Variants in HECW1 observed in about 807,000 individuals in gnomAD.
HECW1 encodes HECT, C2 and WW domain containing E3 ubiquitin protein ligase 1.
Under a neutral mutation model 182.3 loss-of-function variants are expected in HECW1, and 61 were observed. The observed-to-expected ratio is 0.33, with a 90% CI of 0.27 to 0.41. HECW1 has a LOEUF of 0.41. Among genes scored for constraint, HECW1 ranks in the 10% least tolerant of loss-of-function variants. The pLI is 1.00. For missense variants in HECW1, 1,739 were observed against 2,108.9 expected (o/e 0.82, Z 3.44); for synonymous variants, 859 against 832.6 (o/e 1.03, Z -0.55).
At chr7:43,490,774 T>C (rs978810535) in intron 17 of HECW1, among the ~76,000 whole-genome samples, 1 of 152,188 alleles carries the variant, frequency 6.6e-6, no homozygotes, top group Non-Finnish European at 1.5e-5. Context: ...TGTTTTGTTT[T>C]TGAGATAGAG....
intron 3 of HECW1, among the ~76,000 whole-genome samples, chr7:43,308,318 T>A (rs867080466): frequency 7.9e-6 from 1 of 127,348 alleles, no homozygotes; most frequent in Non-Finnish European, 1.6e-5. Flanking sequence ...ATTTATATAT[T>A]ATATGATATA....
intron 3 of HECW1, among the ~76,000 whole-genome samples, chr7:43,280,041 A>T (rs1361795516): frequency 1.3e-5 from 2 of 152,126 alleles, no homozygotes; most frequent in Admixed American, 1.3e-4. Flanking sequence ...TCAGAATGGG[A>T]TTGGGGTGGT....
chr7:43,265,957 G>T (rs536327035), intron 3 of HECW1, among the ~76,000 whole-genome samples: 1 of 152,128 alleles, frequency 6.6e-6, no homozygotes, highest in Non-Finnish European at 1.5e-5. Flanking sequence ...TTGAGGGGGG[G>T]TGTGGATTCT....
At chr7:43,116,519 C>T (rs560648233) in intron 2 of HECW1, among the ~76,000 whole-genome samples, 1 of 152,284 alleles carries the variant, frequency 6.6e-6, no homozygotes, top group South Asian at 2.1e-4. Flanking sequence ...ACAGTTAGAC[C>T]AGAGACAACC....
intron 5 of HECW1, among the ~76,000 whole-genome samples, chr7:43,323,252 A>G (rs971646593): frequency 2.0e-5 from 3 of 152,200 alleles, no homozygotes; most frequent in African/African-American, 7.2e-5. Flanking sequence ...TAACCACTTC[A>G]TATAATTGTC....
intron 2 of HECW1, among the ~76,000 whole-genome samples, chr7:43,218,928 CAG>C (rs1024203801): frequency 6.6e-6 from 1 of 152,106 alleles, no homozygotes; most frequent in African/African-American, 2.4e-5. Flanking sequence ...TGTACAGAGA[CAG>C]AGAGAGCAGT....
chr7:43,190,438 G>A (rs1262167079), intron 2 of HECW1, among the ~76,000 whole-genome samples: 2 of 152,148 alleles, frequency 1.3e-5, no homozygotes, highest in Non-Finnish European at 2.9e-5. Context: ...GTCACAGTAG[G>A]GAAGGGGAGG....
chr7:43,484,343 A>G (rs983130190), intron 17 of HECW1: 3 of 152,264 alleles, frequency 2.0e-5, no homozygotes, highest in Non-Finnish European at 2.9e-5. Context: ...AATGTGTGTG[A>G]AAATAGCAGG....
intron 7 of HECW1, 72 bp downstream of exon 7, chr7:43,396,961 A>G: frequency 9.4e-7 from 1 of 1,069,290 alleles, no homozygotes; most frequent in Non-Finnish European, 1.5e-6. Context: ...ACTCACTTCC[A>G]TTTCACTCTT....
chr7:43,297,921 T>A (rs1366382943), intron 3 of HECW1, among the ~76,000 whole-genome samples: 6 of 152,108 alleles, frequency 3.9e-5, no homozygotes, highest in Admixed American at 3.9e-4. Context: ...AACATTTTTT[T>A]AAATTAGCCA....
At chr7:43,213,123 C>A (rs2152696418) in intron 2 of HECW1, among the ~76,000 whole-genome samples, 1 of 152,104 alleles carries the variant, frequency 6.6e-6, no homozygotes, top group Non-Finnish European at 1.5e-5. Context: ...AATTCTCCAT[C>A]ACCTGATAAG....
chr7:43,492,243 T>G lies in HECW1; in HGVS notation c.3340+63T>G, dbSNP rs2078960727. The G allele has an allele frequency of 2.2e-5, 27 of 1,220,302 alleles. No homozygotes were observed. In the South Asian group the frequency reaches 2.4e-4, roughly 11 times the overall value. The allele number at this position is 1,220,302 out of a possible 1,614,324, so 75.6% of individuals were successfully genotyped here. A position where few individuals can be genotyped will look rare whatever the true frequency, so the allele number is the denominator to read the frequency against. On this transcript the variant is annotated intron_variant, in intron 18 of 29. Coordinates refer to ENST00000395891, the MANE Select transcript of HECW1 (RefSeq NM_015052.5). ...ATAGCAACACCTAGACTTGATTTTT[T>G]GTTTGTTTTTCTGGTTTTTGTCATG...
intron 23 of HECW1, chr7:43,508,741 G>C (rs2079712862): frequency 1.8e-6 from 1 of 543,226 alleles, no homozygotes; most frequent in Non-Finnish European, 3.3e-6. Flanking sequence ...GCTGCCATAA[G>C]AGTTTATTCA....
intron 7 of HECW1, among the ~76,000 whole-genome samples, chr7:43,404,161 C>G (rs1428894694): frequency 6.6e-6 from 1 of 152,142 alleles, no homozygotes; most frequent in East Asian, 1.9e-4. Context: ...TAAATTATAC[C>G]TCTTATTGCA....
intron 2 of HECW1, among the ~76,000 whole-genome samples, chr7:43,231,333 G>C (rs1293459272): frequency 6.6e-6 from 1 of 152,186 alleles, no homozygotes; most frequent in Admixed American, 6.5e-5. Flanking sequence ...AAGCATCCCT[G>C]TTGGTGTTTT....
At chr7:43,485,289 G>A (rs1400393657) in intron 17 of HECW1, among the ~76,000 whole-genome samples, 1 of 152,188 alleles carries the variant, frequency 6.6e-6, no homozygotes, top group Non-Finnish European at 1.5e-5. Flanking sequence ...CAGGAAGCTT[G>A]CTTTTGGGGA....
chr7:43,346,557 A>C (rs978004935), intron 5 of HECW1, among the ~76,000 whole-genome samples: 2 of 152,154 alleles, frequency 1.3e-5, no homozygotes, highest in Non-Finnish European at 2.9e-5. Context: ...TTGGTCGTGA[A>C]ATCCTTGCCT....
chr7:43,226,428 G>C (rs1484174729), intron 2 of HECW1, among the ~76,000 whole-genome samples: 3 of 152,136 alleles, frequency 2.0e-5, no homozygotes, highest in Non-Finnish European at 2.9e-5. Context: ...TCAGGAAAGG[G>C]GCTCTGCCAC....
intron 2 of HECW1, among the ~76,000 whole-genome samples, chr7:43,205,272 G>A (rs6973014): frequency 0.75 from 113,723 of 151,852 alleles, 43,087 homozygotes; most frequent in Non-Finnish European, 0.8. Flanking sequence ...TTTAGTAGAG[G>A]TGGTGTTTCA....
Sources: gnomAD v4.1 joint callset for allele counts (sites outside exome capture counted in the v4.1 genomes callset) on GRCh38, gnomAD v4.1.1 for gene constraint, MANE v1.5 for transcripts, NCBI Gene and HGNC (gene_info 2026-07-23, HGNC 2026-07-21) for gene names.